The following FHIT variants were observed in gnomAD, a reference collection of about 807,000 sequenced individuals.
FHIT encodes the protein bis(5'-adenosyl)-triphosphatase.
A neutral mutation model predicts 17.9 loss-of-function variants in FHIT; 19 were observed. That is an observed-to-expected ratio of 1.06 (90% CI 0.74 to 1.56). The LOEUF (loss-of-function observed/expected upper bound fraction) is 1.56, where lower values mean the gene tolerates loss of function less well. FHIT is among the 40% of genes most tolerant of loss of function. The pLI, the probability that FHIT is intolerant of heterozygous loss-of-function variation, is 0.00. For missense variants in FHIT, 248 were observed against 189.2 expected, an observed-to-expected ratio of 1.31 and a Z score of -1.82; for synonymous variants, 81 against 69.7, an observed-to-expected ratio of 1.16 and a Z score of -0.81.
At chr3:60,220,541 C>T (rs972564741) in intron 5 of FHIT, among the ~76,000 whole-genome samples, 8 of 151,912 alleles carry the variant, frequency 5.3e-5, no homozygotes, top group Non-Finnish European at 1.0e-4. Context: ...AAGATGAATT[C>T]AAATTATTTA....
intron 5 of FHIT, among the ~76,000 whole-genome samples, chr3:60,152,674 C>T (rs1250197697): frequency 6.6e-6 from 1 of 152,170 alleles, no homozygotes; most frequent in Non-Finnish European, 1.5e-5. Flanking sequence ...TAAAAATCTG[C>T]CAGGACTCCT....
intron 4 of FHIT, among the ~76,000 whole-genome samples, chr3:60,593,812 C>T (rs2038171593): frequency 6.6e-6 from 1 of 152,064 alleles, no homozygotes; most frequent in South Asian, 2.1e-4. Context: ...TGTGGAAAAA[C>T]ATTTCTCCCC....
chr3:60,646,952 C>T (rs1553686902), intron 4 of FHIT, among the ~76,000 whole-genome samples: 2 of 152,180 alleles, frequency 1.3e-5, no homozygotes, highest in Non-Finnish European at 2.9e-5. Context: ...AATCACAGTG[C>T]TCTAGTTTAT....
intron 3 of FHIT, among the ~76,000 whole-genome samples, chr3:60,969,027 G>A (rs1363276280): frequency 6.6e-6 from 1 of 151,816 alleles, no homozygotes; most frequent in Non-Finnish European, 1.5e-5. Flanking sequence ...TTGAACTGTG[G>A]ATTTATTTTC....
chr3:60,514,616 A>G (rs2035081075), intron 5 of FHIT, among the ~76,000 whole-genome samples: 1 of 152,204 alleles, frequency 6.6e-6, no homozygotes. Flanking sequence ...ACAAACCCAC[A>G]CATGCTGCAC....
At chr3:60,780,893 T>C (rs1700363244) in intron 4 of FHIT, among the ~76,000 whole-genome samples, 1 of 152,150 alleles carries the variant, frequency 6.6e-6, no homozygotes, top group Admixed American at 6.6e-5. Context: ...GAATTCAAGC[T>C]GTGGGCAGGA....
intron 7 of FHIT, among the ~76,000 whole-genome samples, chr3:59,981,683 T>A (rs1168867926): frequency 1.3e-5 from 2 of 152,086 alleles, no homozygotes; most frequent in African/African-American, 4.8e-5. Flanking sequence ...TAATTAACAG[T>A]TCTTATGGAG....
intron 5 of FHIT, among the ~76,000 whole-genome samples, chr3:60,296,852 T>A (rs1708234246): frequency 6.6e-6 from 1 of 151,926 alleles, no homozygotes. Context: ...TAGGTTAATT[T>A]TTTTTCCTAA....
At chr3:60,662,330 G>A (rs1171923233) in intron 4 of FHIT, among the ~76,000 whole-genome samples, 4 of 152,054 alleles carry the variant, frequency 2.6e-5, no homozygotes, top group Admixed American at 2.0e-4. Flanking sequence ...TGTTTGCTTT[G>A]TTGACGATTG....
chr3:60,723,483 T>C (rs2041853844), intron 4 of FHIT, among the ~76,000 whole-genome samples: 1 of 152,198 alleles, frequency 6.6e-6, no homozygotes, highest in Non-Finnish European at 1.5e-5. Context: ...TTTGGGTATG[T>C]GCTAGGCAGA....
chr3:60,614,519 G>A (rs553786378), intron 4 of FHIT, among the ~76,000 whole-genome samples: 21 of 152,210 alleles, frequency 1.4e-4, no homozygotes, highest in Non-Finnish European at 2.8e-4. Context: ...CAGGAGAATT[G>A]CTTGAACCCG....
At chr3:61,038,366 T>C (rs1235592910) in intron 3 of FHIT, among the ~76,000 whole-genome samples, 1 of 152,178 alleles carries the variant, frequency 6.6e-6, no homozygotes, top group African/African-American at 2.4e-5. Context: ...GAAACCAGAA[T>C]GTGTGACTTC....
chr3:60,701,842 C>CTT (rs1304750194), intron 4 of FHIT, among the ~76,000 whole-genome samples: 1 of 152,144 alleles, frequency 6.6e-6, no homozygotes, highest in African/African-American at 2.4e-5. Context: ...CTGTTATCAT[C>CTT]TTTTTTCAAA....
At chr3:60,781,600 G>C (rs1700391269) in intron 4 of FHIT, among the ~76,000 whole-genome samples, 1 of 152,066 alleles carries the variant, frequency 6.6e-6, no homozygotes, top group Non-Finnish European at 1.5e-5. Context: ...GACCTCTCTA[G>C]GTCCCAATCT....
chr3:61,027,004 A>G (rs1046579376), intron 3 of FHIT, among the ~76,000 whole-genome samples: 1 of 152,084 alleles, frequency 6.6e-6, no homozygotes, highest in Non-Finnish European at 1.5e-5. Flanking sequence ...ATTATTATAG[A>G]ATTATACAAA....
At chr3:60,027,616 T>A (rs1257966923) in intron 5 of FHIT, among the ~76,000 whole-genome samples, 2 of 151,958 alleles carry the variant, frequency 1.3e-5, no homozygotes, top group African/African-American at 4.8e-5. Flanking sequence ...GCCATAGAGT[T>A]CAGATTCCAA....
chr3:60,895,714 CTTT>C (rs1705770971), intron 3 of FHIT, among the ~76,000 whole-genome samples: 3 of 114,762 alleles, frequency 2.6e-5, no homozygotes, highest in African/African-American at 9.0e-5. Context: ...TTCTTTCTTT[CTTT>C]CTTTCTTTCT....
At chr3:60,350,874 A>G (rs916913116) in intron 5 of FHIT, among the ~76,000 whole-genome samples, 3 of 152,204 alleles carry the variant, frequency 2.0e-5, no homozygotes, top group Non-Finnish European at 4.4e-5. Context: ...TATGTTATGT[A>G]AAACTCCATC....
intron 8 of FHIT, among the ~76,000 whole-genome samples, chr3:59,848,088 A>G (rs1701788320): frequency 6.6e-6 from 1 of 152,170 alleles, no homozygotes; most frequent in Admixed American, 6.5e-5. Context: ...TACAGATCCC[A>G]ATATTTGCAG....
Sources: allele counts gnomAD v4.1 joint callset (sites outside exome capture counted in the v4.1 genomes callset), GRCh38; gene constraint gnomAD v4.1.1; transcripts MANE v1.5; gene names NCBI Gene and HGNC (gene_info 2026-07-23, HGNC 2026-07-21).